The following SCN2A variants were observed in gnomAD, a reference collection of about 807,000 sequenced individuals.
The protein encoded by SCN2A is sodium voltage-gated channel alpha subunit 2.
SCN2A carries 20 observed loss-of-function variants against 188.7 expected under a neutral mutation model. The ratio of observed to expected loss-of-function variants is 0.11; its 90% CI spans 0.07 to 0.15. The LOEUF (loss-of-function observed/expected upper bound fraction) is 0.15. Among genes scored for constraint, SCN2A ranks in the 10% least tolerant of loss-of-function variants. The probability of loss-of-function intolerance (pLI) is 1.00; values close to 1 mark genes in which losing one functional copy is unlikely to be tolerated. For synonymous variants in SCN2A, 804 were observed against 833.1 expected, an observed-to-expected ratio of 0.97 and a Z score of 0.60; for missense variants, 1,278 against 2,445.0, an observed-to-expected ratio of 0.52 and a Z score of 10.07.
intron 17 of SCN2A, among the ~76,000 whole-genome samples, chr2:165,358,377 T>C (rs1331032604): frequency 6.6e-6 from 1 of 152,172 alleles, no homozygotes; most frequent in Non-Finnish European, 1.5e-5. Context: ...AATGTGATAA[T>C]AATGTAAATG....
intron 22 of SCN2A, among the ~76,000 whole-genome samples, chr2:165,376,455 T>C (rs976596109): frequency 7.9e-5 from 12 of 152,166 alleles, no homozygotes; most frequent in African/African-American, 2.9e-4. Context: ...AAAATTTTTC[T>C]TCCTCTGTGT....
intron 16 of SCN2A, among the ~76,000 whole-genome samples, chr2:165,345,603 T>C (rs1321381475): frequency 1.3e-5 from 2 of 152,070 alleles, no homozygotes; most frequent in East Asian, 1.9e-4. Flanking sequence ...TTTTTGTGCC[T>C]ATGTGTGTCT....
intron 1 of SCN2A, among the ~76,000 whole-genome samples, chr2:165,240,659 C>CTGTGTGTGTGTGTGTGTG (rs35247335): frequency 0.039 from 5,278 of 136,312 alleles, 182 homozygotes; most frequent in Non-Finnish European, 0.053. Context: ...GTGGAAAGAG[C>CTGTGTGTGTGTGTGTGTG]TGTGTGTGTG....
At chr2:165,304,248 T>A (rs573529419) in intron 3 of SCN2A, among the ~76,000 whole-genome samples, 47 of 152,104 alleles carry the variant, frequency 3.1e-4, no homozygotes, top group African/African-American at 1.0e-3. Context: ...CAGGCATCCG[T>A]CACGCCTGGC....
intron 26 of SCN2A, among the ~76,000 whole-genome samples, chr2:165,388,402 G>C (rs1487507723): frequency 6.6e-6 from 1 of 151,976 alleles, no homozygotes; most frequent in Non-Finnish European, 1.5e-5. Flanking sequence ...TGCTTTCCTT[G>C]AACTAGGAAA....
Position 165,331,473 on chromosome 2 carries a change from A to C in SCN2A, c.2293A>C (p.Ile765Leu). 6.2e-7 allele frequency: 1 copy of C among 1,613,866 alleles called. No homozygotes were observed. The highest frequency in any genetic ancestry group is 8.5e-7 in the Non-Finnish European group (1 of 1,179,774). ...VVMDPFVDLAITICIVLNTLF... is the reference protein window; with the variant it reads ...VVMDPFVDLALTICIVLNTLF... ...AATGGACCCATTTGTTGACCTGGCCATCACCATCTGCATTGTCTTAAATAC... is the reference window on the plus strand; with the variant it reads ...AATGGACCCATTTGTTGACCTGGCCCTCACCATCTGCATTGTCTTAAATAC... The change falls in exon 14 of 27, where the codon ATC becomes CTC. Residue 765 changes from isoleucine to leucine, a missense_variant. Coordinates refer to ENST00000375437, the MANE Select transcript of SCN2A (RefSeq NM_001040142.2).
intron 26 of SCN2A, 39 bp downstream of exon 26, chr2:165,387,055 G>A (rs1701912613): frequency 6.3e-7 from 1 of 1,590,750 alleles, no homozygotes; most frequent in Non-Finnish European, 8.6e-7. Flanking sequence ...GGAATATAGT[G>A]GTAAAAATAT....
intron 3 of SCN2A, 55 bp from the exon 4 acceptor site, chr2:165,307,793 G>A: frequency 8.9e-7 from 1 of 1,119,198 alleles, no homozygotes; most frequent in Non-Finnish European, 1.4e-6. Flanking sequence ...AGGCATGGTA[G>A]TGCATAAAAG....
intron 17 of SCN2A, among the ~76,000 whole-genome samples, chr2:165,363,386 T>G (rs2105352514): frequency 6.6e-6 from 1 of 152,246 alleles, no homozygotes; most frequent in African/African-American, 2.4e-5. Context: ...TATTTTTTGT[T>G]TCTTATTGTG....
chr2:165,250,971 G>T (rs1394035837), intron 1 of SCN2A, among the ~76,000 whole-genome samples: 1 of 151,916 alleles, frequency 6.6e-6, no homozygotes, highest in African/African-American at 2.4e-5. Context: ...ACCATAAGGA[G>T]TAATCAACAG....
At chr2:165,308,558 C>A in intron 4 of SCN2A, 108 bp from the exon 5 acceptor site, 1 of 1,200,584 alleles carries the variant, frequency 8.3e-7, no homozygotes, top group Non-Finnish European at 1.2e-6. Flanking sequence ...CGTAGGGGGA[C>A]CAACCTGGAA....
chr2:165,251,763 C>T (rs1347748594), intron 1 of SCN2A, among the ~76,000 whole-genome samples: 1 of 151,968 alleles, frequency 6.6e-6, no homozygotes, highest in Non-Finnish European at 1.5e-5. Context: ...TTTAATCTCT[C>T]AATTAAAATC....
chr2:165,388,171 G>A (rs10204322), intron 26 of SCN2A, among the ~76,000 whole-genome samples: 43,956 of 151,932 alleles, frequency 0.29, 6,666 homozygotes, highest in Middle Eastern at 0.48. Flanking sequence ...TGTCTCCAAA[G>A]CCTATGTTTT....
At chr2:165,263,405 A>G (rs555659899) in intron 1 of SCN2A, among the ~76,000 whole-genome samples, 70 of 152,250 alleles carry the variant, frequency 4.6e-4, no homozygotes, top group African/African-American at 1.4e-3. Context: ...TGAGTTTTGT[A>G]TAAGGTGAAA....
chr2:165,315,328 A>G, intron 10 of SCN2A, 143 bp from the exon 11 acceptor site: 2 of 1,330,694 alleles, frequency 1.5e-6, no homozygotes, highest in East Asian at 2.4e-5. Context: ...TCTAATAACA[A>G]TGTACTGTTT....
intron 3 of SCN2A, among the ~76,000 whole-genome samples, chr2:165,303,351 C>G (rs1460210564): frequency 6.9e-6 from 1 of 144,084 alleles, no homozygotes; most frequent in African/African-American, 2.5e-5. Flanking sequence ...TCTCGGCTCA[C>G]TGCAAGCTCC....
rs989029876 is a variant in SCN2A, at chr2:165,256,219, G to T, written c.-52+16579G>T. Among the ~76,000 whole-genome samples the T allele has an allele frequency of 2.6e-5, 4 of 151,938 alleles. No homozygotes were observed. In the East Asian group the frequency reaches 7.7e-4, roughly 29 times the overall value. ...GGGATTTCACCTTGTTGGTCAGGCT[G>T]ATCGCAAACTCCTGACCTCAGGTGA... is the stretch of plus-strand genomic sequence containing the variant. On this transcript the variant is annotated intron_variant, in intron 1 of 26. Coordinates refer to ENST00000375437, the MANE Select transcript of SCN2A (RefSeq NM_001040142.2).
At chr2:165,306,683 T>A (rs891570750) in intron 3 of SCN2A, among the ~76,000 whole-genome samples, 8 of 151,912 alleles carry the variant, frequency 5.3e-5, no homozygotes, top group African/African-American at 1.7e-4. Flanking sequence ...AAATAATAAT[T>A]ATTATTATTG....
intron 1 of SCN2A, among the ~76,000 whole-genome samples, chr2:165,253,449 G>A (rs1346464140): frequency 6.6e-6 from 1 of 152,056 alleles, no homozygotes; most frequent in East Asian, 1.9e-4. Context: ...TTTTAAGATG[G>A]TTTGGAGAGA....
Sources: allele counts gnomAD v4.1 joint callset (sites outside exome capture counted in the v4.1 genomes callset), GRCh38; gene constraint gnomAD v4.1.1; transcripts MANE v1.5; gene names NCBI Gene and HGNC (gene_info 2026-07-23, HGNC 2026-07-21).